Variants in LRRC2 observed in about 807,000 individuals in gnomAD.
LRRC2 encodes leucine rich repeat containing 2, also known as leucine-rich repeat-containing protein 2.
Under a neutral mutation model 40.2 loss-of-function variants are expected in LRRC2, and 27 were observed. The ratio of observed to expected loss-of-function variants is 0.67; its 90% CI spans 0.49 to 0.93. The LOEUF (loss-of-function observed/expected upper bound fraction) is 0.93, where lower values mean the gene tolerates loss of function less well. Among genes scored for constraint, LRRC2 ranks in the 40% least tolerant of loss-of-function variants. The pLI is 0.00. For missense variants in LRRC2, 402 were observed against 439.6 expected (o/e 0.91, Z 0.76); for synonymous variants, 147 against 158.9 (o/e 0.92, Z 0.56).
Position 46,545,029 on chromosome 3 carries a change from G to A in LRRC2, c.333+17C>T. On this transcript the variant is annotated intron_variant, in intron 3 of 8. Transcript: ENST00000395905. The stretch of plus-strand genomic sequence containing the variant: ...TCGACCACAGCACTGCATTGGGCGA[G>A]AACTGCCTCGACTCACCGTCCAGTG... 1 of 1,609,938 alleles carries A rather than the reference G, an allele frequency of 6.2e-7. No individual in the cohort carries two copies. The highest frequency in any genetic ancestry group is 8.5e-7 in the Non-Finnish European group (1 of 1,177,936).
At position 46,529,986 on chromosome 3, in the gene LRRC2, ATTGGGACACTGGAAAAC is replaced by A. The variant is rs1192826630; in HGVS notation, c.675_691del (p.Lys225AsnfsTer18). On this transcript the variant is annotated frameshift_variant, in exon 6 of 9. Transcript: ENST00000395905. LOFTEE classifies it high-confidence loss of function. The stretch of plus-strand genomic sequence containing the variant: ...CAAATTCGACATCCGCAGGACACAG[ATTGGGACACTGGAAAAC>A]TTGTTTGCTGAGATATCTACAAATG... 1 of 1,614,024 alleles carries A rather than the reference ATTGGGACACTGGAAAAC, an allele frequency of 6.2e-7. No homozygotes were observed. The highest frequency in any genetic ancestry group is 8.5e-7 in the Non-Finnish European group (1 of 1,180,016).
At chr3:46,527,355 G>A (rs780369995) in intron 7 of LRRC2, 71 bp downstream of exon 7, 114 of 1,525,692 alleles carry the variant, frequency 7.5e-5, no homozygotes, top group Non-Finnish European at 9.3e-5. Context: ...TGAGACAGCT[G>A]CCCAGGCTCT....
At chr3:46,561,340 A>C (rs1273237409) in intron 1 of LRRC2, among the ~76,000 whole-genome samples, 4 of 152,116 alleles carry the variant, frequency 2.6e-5, no homozygotes, top group Non-Finnish European at 5.9e-5. Context: ...GGAGTTTGAG[A>C]GCAGCCTGGG....
At chr3:46,562,772 A>C (rs2018008) in intron 1 of LRRC2, among the ~76,000 whole-genome samples, 2,716 of 147,846 alleles carry the variant, frequency 0.018, 75 homozygotes, top group African/African-American at 0.065. Context: ...TCTGTCACCC[A>C]GGCTGGAGTG....
intron 8 of LRRC2, among the ~76,000 whole-genome samples, chr3:46,520,059 T>C (rs1456490459): frequency 1.3e-5 from 2 of 150,952 alleles, no homozygotes; most frequent in African/African-American, 4.8e-5. Context: ...TAAAAATCTA[T>C]CATCTCTAAA....
In LRRC2 at chr3:46,518,939, C is replaced by G; in HGVS notation, c.*75G>C. On this transcript the variant is annotated 3_prime_UTR_variant, in exon 9 of 9. Coordinates refer to ENST00000395905, the MANE Select transcript of LRRC2 (RefSeq NM_024512.5). ...TGTCCTTAAGCACAAGCCATTCTTC[C>G]TATATGACATGATCATAACAAAGAT... The G allele has an allele frequency of 4.9e-6, 5 of 1,019,880 alleles. No homozygotes were observed. The highest frequency in any genetic ancestry group is 7.8e-6 in the Non-Finnish European group (5 of 645,152). 63.2% of individuals were successfully genotyped at this position (1,019,880 alleles called of 1,614,324 possible).
At chr3:46,525,486 A>C (rs1022992542) in intron 7 of LRRC2, among the ~76,000 whole-genome samples, 3 of 152,100 alleles carry the variant, frequency 2.0e-5, no homozygotes, top group Admixed American at 1.3e-4. Flanking sequence ...CCTGAGCTAA[A>C]GCAATCCTCC....
Position 46,524,553 on chromosome 3 carries a change from G to T in LRRC2, c.929+2873C>A, listed in dbSNP as rs140912662. ...TCCTCGGCTTGTTCTCTGGGATTTGGTTTGTTCCACCTTACTTTCATCAAT... is the reference window on the plus strand; with the variant it reads ...TCCTCGGCTTGTTCTCTGGGATTTGTTTTGTTCCACCTTACTTTCATCAAT... On this transcript the variant is annotated intron_variant, in intron 7 of 8. Coordinates refer to ENST00000395905, the MANE Select transcript of LRRC2 (RefSeq NM_024512.5). Among the ~76,000 whole-genome samples, 13 of 152,242 alleles carry T rather than the reference G, an allele frequency of 8.5e-5. 1 individual carries two copies. The East Asian group carries it at 2.5e-3, about 29-fold the overall frequency.
rs535596578 is a variant in LRRC2, at chr3:46,548,804, C to T, written c.125+2663G>A. Among the ~76,000 whole-genome samples the T allele has an allele frequency of 1.1e-4, 17 of 152,208 alleles. No individual in the cohort carries two copies. The South Asian group carries it at 1.2e-3, about 11-fold the overall frequency. On this transcript the variant is annotated intron_variant, in intron 2 of 8. Coordinates refer to ENST00000395905, the MANE Select transcript of LRRC2 (RefSeq NM_024512.5). ...GGATGAGGGGTTGGGGGGATGGTTTCGGGATAAAACTGTTCCACCTCAGAT... is the reference window on the plus strand; with the variant it reads ...GGATGAGGGGTTGGGGGGATGGTTTTGGGATAAAACTGTTCCACCTCAGAT...
At position 46,527,513 on chromosome 3, in the gene LRRC2, T is replaced by G; in HGVS notation, c.842A>C (p.Asn281Thr). Reference sequence around the variant, plus strand: ...GACTAACAGAGTGAGCTTCTTCAGGTTCAGCATGGAATAGGGAAGGTAGGT... The same window carrying G: ...GACTAACAGAGTGAGCTTCTTCAGGGTCAGCATGGAATAGGGAAGGTAGGT... ...KLTYLPYSML[N>T]LKKLTLLVVS... Residue 281 changes from asparagine (N) to threonine (T), a missense_variant, in exon 7 of 9, where the codon AAC becomes ACC. Coordinates refer to ENST00000395905, the MANE Select transcript of LRRC2 (RefSeq NM_024512.5). 6.2e-7 allele frequency: 1 copy of G among 1,613,936 alleles called. No individual in the cohort carries two copies. Among genetic ancestry groups the G allele is most frequent in the East Asian group, 2.2e-5 (1 of 44,868 alleles).
intron 5 of LRRC2, among the ~76,000 whole-genome samples, chr3:46,531,920 T>C (rs577641397): frequency 6.6e-6 from 1 of 152,218 alleles, no homozygotes; most frequent in Non-Finnish European, 1.5e-5. Context: ...CAGCATGAGA[T>C]GCTTATTGAG....
At chr3:46,546,715 C>CTT (rs71098416) in intron 2 of LRRC2, among the ~76,000 whole-genome samples, 31,472 of 106,394 alleles carry the variant, frequency 0.3, 5,822 homozygotes, top group Non-Finnish European at 0.37. Flanking sequence ...CAATTTGCTC[C>CTT]TTTTTTTTTT....
intron 1 of LRRC2, among the ~76,000 whole-genome samples, chr3:46,565,249 C>T (rs1336108215): frequency 2.0e-5 from 3 of 152,168 alleles, no homozygotes; most frequent in African/African-American, 7.2e-5. Flanking sequence ...CCTGCCTACC[C>T]ACTCTCTGGC....
chr3:46,553,051 A>G (rs902255597), intron 1 of LRRC2, among the ~76,000 whole-genome samples: 1 of 152,220 alleles, frequency 6.6e-6, no homozygotes, highest in Non-Finnish European at 1.5e-5. Context: ...TGTGGAATGC[A>G]TGAGTGAGTG....
intron 1 of LRRC2, chr3:46,557,950 G>C (rs1333098299): frequency 6.6e-6 from 1 of 152,300 alleles, no homozygotes; most frequent in African/African-American, 2.4e-5. Flanking sequence ...GCTGTGTGCA[G>C]GTAATATGCA....
intron 2 of LRRC2, among the ~76,000 whole-genome samples, chr3:46,549,942 T>C (rs1288970563): frequency 2.6e-5 from 4 of 152,210 alleles, no homozygotes; most frequent in African/African-American, 4.8e-5. Context: ...TGAGTGTAGG[T>C]CTCTTGGATG....
intron 6 of LRRC2, among the ~76,000 whole-genome samples, chr3:46,527,861 A>G (rs1704087251): frequency 6.6e-6 from 1 of 151,932 alleles, no homozygotes; most frequent in Non-Finnish European, 1.5e-5. Context: ...CTTCCTGAGT[A>G]ACTAGGACTA....
chr3:46,536,995 C>A (rs1461278304), intron 4 of LRRC2, among the ~76,000 whole-genome samples: 5 of 152,192 alleles, frequency 3.3e-5, no homozygotes, highest in African/African-American at 1.2e-4. Context: ...ATGCTTAATA[C>A]CCCATCTATC....
intron 1 of LRRC2, among the ~76,000 whole-genome samples, chr3:46,555,711 G>T (rs1559420395): frequency 6.6e-6 from 1 of 151,910 alleles, no homozygotes; most frequent in Non-Finnish European, 1.5e-5. Flanking sequence ...TTATATTTTT[G>T]GCTTCCAATC....
Sources: allele counts gnomAD v4.1 joint callset (sites outside exome capture counted in the v4.1 genomes callset), GRCh38; gene constraint gnomAD v4.1.1; transcripts MANE v1.5; gene names NCBI Gene and HGNC (gene_info 2026-07-23, HGNC 2026-07-21).